TRAFD1: variants seen among roughly 807,000 people sequenced by gnomAD.
The protein encoded by TRAFD1 is TRAF-type zinc finger domain-containing protein 1.
A neutral mutation model predicts 65.3 loss-of-function variants in TRAFD1; 38 were observed. The observed-to-expected ratio is 0.58, with a 90% CI of 0.45 to 0.76. The LOEUF (loss-of-function observed/expected upper bound fraction) is 0.76. TRAFD1 is among the 30% of genes least tolerant of loss of function. TRAFD1 has a pLI of 0.00. For missense variants in TRAFD1, 631 were observed against 712.6 expected (o/e 0.89, Z 1.30); for synonymous variants, 223 against 257.2 (o/e 0.87, Z 1.27).
intron 9 of TRAFD1, 142 bp downstream of exon 9, chr12:112,150,013 T>G (rs1179080912): frequency 8.2e-7 from 1 of 1,221,054 alleles, no homozygotes; most frequent in Non-Finnish European, 1.1e-6. Context: ...AGGGGACTCC[T>G]CTGCAGGTAG....
chr12:112,152,375 G>A lies in TRAFD1; in HGVS notation c.1620-52G>A. ...GCTTCCTGTTCCCTCTGAGTTTGTTGACCTTTGCTCAGGGACACTTCAGGA... is the reference window on the plus strand; with the variant it reads ...GCTTCCTGTTCCCTCTGAGTTTGTTAACCTTTGCTCAGGGACACTTCAGGA... On this transcript the variant is annotated intron_variant, in intron 10 of 11. Transcript: ENST00000412615. This position sits in a 1 kb window ranked among gnomAD's most constrained non-coding sequence, Gnocchi z 5.0. 1 of 1,602,028 alleles carries A rather than the reference G, an allele frequency of 6.2e-7. No homozygotes were observed. The highest frequency in any genetic ancestry group is 8.5e-7 in the Non-Finnish European group (1 of 1,176,494).
intron 4 of TRAFD1, among the ~76,000 whole-genome samples, chr12:112,138,940 A>G (rs1479537371): frequency 6.6e-6 from 1 of 152,170 alleles, no homozygotes; most frequent in African/African-American, 2.4e-5. Context: ...ATATACATGA[A>G]CTACCTCTTG....
intron 9 of TRAFD1, among the ~76,000 whole-genome samples, chr12:112,150,171 A>C (rs1423212743): frequency 6.6e-6 from 1 of 152,200 alleles, no homozygotes; most frequent in Non-Finnish European, 1.5e-5. Context: ...ATTTGTAGAT[A>C]ATTTGCAGAC....
Position 112,137,744 on chromosome 12 carries a change from A to G in TRAFD1, c.237+2678A>G, listed in dbSNP as rs1023916086. Among the ~76,000 whole-genome samples, 3 of 152,234 alleles carry G rather than the reference A, an allele frequency of 2.0e-5. No individual in the cohort carries two copies. Among genetic ancestry groups the G allele is most frequent in the African/African-American group, 4.8e-5 (2 of 41,474 alleles). On this transcript the variant is annotated intron_variant, in intron 4 of 11. Coordinates refer to ENST00000412615, the MANE Select transcript of TRAFD1 (RefSeq NM_006700.3). The surrounding 1 kb of genome is among the most constrained non-coding windows in gnomAD (Gnocchi z 4.2). Reference sequence around the variant, plus strand: ...GCTACTGCACTTCAGTCAGGGCGACAGAGCGAGACTCCGTCTAAAAAAATA... The same window carrying G: ...GCTACTGCACTTCAGTCAGGGCGACGGAGCGAGACTCCGTCTAAAAAAATA...
intron 4 of TRAFD1, among the ~76,000 whole-genome samples, chr12:112,138,401 T>A (rs1325345368): frequency 1.3e-5 from 2 of 151,312 alleles, no homozygotes; most frequent in Non-Finnish European, 2.9e-5. Context: ...AATACAGAAA[T>A]TAGCCAGGCA....
rs953147941 is a variant in TRAFD1 at position 112,134,408 on chromosome 12, A to G, written c.48-330A>G. On this transcript the variant is annotated intron_variant, in intron 2 of 11. Coordinates refer to ENST00000412615, the MANE Select transcript of TRAFD1 (RefSeq NM_006700.3). Reference sequence around the variant, plus strand: ...GTAGCTGGGATTACAGGTGCCCGCCATCACGCCTGGCTAATTTTTATATTT... The same window carrying G: ...GTAGCTGGGATTACAGGTGCCCGCCGTCACGCCTGGCTAATTTTTATATTT... Among the ~76,000 whole-genome samples the G allele has an allele frequency of 4.1e-5, 6 of 144,908 alleles. No individual in the cohort carries two copies. The East Asian group carries it at 6.1e-4, about 15-fold the overall frequency.
At chr12:112,147,141 A>C (rs1220082401) in intron 7 of TRAFD1, among the ~76,000 whole-genome samples, 5 of 151,956 alleles carry the variant, frequency 3.3e-5, no homozygotes, top group African/African-American at 4.8e-5. Flanking sequence ...CTGGGACTAC[A>C]GGCACACACC....
chr12:112,136,085 C>T (rs1276548551), intron 4 of TRAFD1, among the ~76,000 whole-genome samples: 1 of 150,334 alleles, frequency 6.7e-6, no homozygotes, highest in South Asian at 2.1e-4. Context: ...GCCGAGATCG[C>T]GCCACTGCAC....
chr12:112,139,076 G>A (rs1432238889), intron 4 of TRAFD1, among the ~76,000 whole-genome samples: 2 of 152,160 alleles, frequency 1.3e-5, no homozygotes, highest in African/African-American at 4.8e-5. Context: ...AGTGGCTCAC[G>A]CCTGTAATCC....
At chr12:112,140,243 A>G (rs1488031368) in intron 4 of TRAFD1, 4 of 189,218 alleles carry the variant, frequency 2.1e-5, no homozygotes, top group African/African-American at 9.6e-5. Context: ...ACATAGTGAA[A>G]CCCCGTCTCT....
At chr12:112,133,743 C>A (rs1857865055) in intron 2 of TRAFD1, among the ~76,000 whole-genome samples, 1 of 148,438 alleles carries the variant, frequency 6.7e-6, no homozygotes. Context: ...ATCTTGCTAT[C>A]CCCGAGGCTG....
At chr12:112,140,104 T>C (rs1216864522) in intron 4 of TRAFD1, 2 of 330,430 alleles carry the variant, frequency 6.1e-6, no homozygotes, top group Admixed American at 4.1e-5. Context: ...TGCAGTTTCT[T>C]TTCCTCATTA....
At chr12:112,135,160 C>A in intron 4 of TRAFD1, 94 bp downstream of exon 4, 3 of 1,401,780 alleles carry the variant, frequency 2.1e-6, no homozygotes, top group South Asian at 1.2e-5. Context: ...AGTGTTAGTT[C>A]TCCGTGAGCT....
At chr12:112,143,917 G>C (rs1020796459) in intron 6 of TRAFD1, among the ~76,000 whole-genome samples, 8 of 151,206 alleles carry the variant, frequency 5.3e-5, no homozygotes, top group Admixed American at 1.3e-4. Context: ...TAGTAGAGAT[G>C]GTTCCTTACC....
At position 112,153,394 on chromosome 12, in the gene TRAFD1, C is replaced by A. The variant is rs547868482; in HGVS notation, c.*603C>A. 3 of 152,492 alleles carry A rather than the reference C, an allele frequency of 2.0e-5. No homozygotes were observed. The South Asian group carries it at 6.2e-4, about 32-fold the overall frequency. 9.4% of individuals were successfully genotyped at this position (152,492 alleles called of 1,614,324 possible). A position where few individuals can be genotyped will look rare whatever the true frequency, so the allele number is the denominator to read the frequency against. On this transcript the variant is annotated 3_prime_UTR_variant, in exon 12 of 12. Coordinates refer to ENST00000412615, the MANE Select transcript of TRAFD1 (RefSeq NM_006700.3). ...GCATTTGGCATCACTGCCTTCTGTT[C>A]CCGGGGGAGCATGGATCTTTTGTCC...
intron 4 of TRAFD1, among the ~76,000 whole-genome samples, chr12:112,139,016 T>C (rs540230010): frequency 1.3e-5 from 2 of 152,032 alleles, no homozygotes; most frequent in African/African-American, 4.8e-5. Context: ...AGAGACATGA[T>C]TTTTACATAT....
At position 112,151,784 on chromosome 12, in the gene TRAFD1, C is replaced by T; in HGVS notation, c.1280-17C>T. On this transcript the variant is annotated splice_polypyrimidine_tract_variant and intron_variant, in intron 9 of 11. Transcript: ENST00000412615. ...AGCAGGCTTTTTCCTAAAGCTGTTA[C>T]CATTTTCTCTTCTCAGGAGACCTGT... 1.2e-6 allele frequency: 2 copies of T among 1,603,346 alleles called. No individual in the cohort carries two copies. Among genetic ancestry groups the T allele is most frequent in the East Asian group, 2.2e-5 (1 of 44,688 alleles).
At chr12:112,140,605 T>C (rs1286468691) in intron 4 of TRAFD1, among the ~76,000 whole-genome samples, 1 of 152,084 alleles carries the variant, frequency 6.6e-6, no homozygotes, top group African/African-American at 2.4e-5. Context: ...AGTAGTGGGC[T>C]CCCTCTAATA....
chr12:112,148,024 T>C (rs2030300107), intron 7 of TRAFD1, 50 bp from the exon 8 acceptor site: 1 of 1,494,086 alleles, frequency 6.7e-7, no homozygotes, highest in Non-Finnish European at 9.1e-7. Context: ...AATGTAGTTT[T>C]TTTCTTAACC....
Sources: allele counts gnomAD v4.1 joint callset (sites outside exome capture counted in the v4.1 genomes callset), GRCh38; gene constraint gnomAD v4.1.1; non-coding constraint Gnocchi (gnomAD v3.1); transcripts MANE v1.5; gene names NCBI Gene and HGNC (gene_info 2026-07-23, HGNC 2026-07-21).